SLC12A3: variants seen among roughly 807,000 people sequenced by gnomAD.
The protein encoded by SLC12A3 is Na-Cl cotransporter.
SLC12A3 carries 104 observed loss-of-function variants against 121.0 expected under a neutral mutation model. The ratio of observed to expected loss-of-function variants is 0.86; its 90% CI spans 0.73 to 1.01. SLC12A3 has a LOEUF of 1.01. SLC12A3 is among the 50% of genes least tolerant of loss of function. SLC12A3 has a pLI of 0.00. For missense variants in SLC12A3, 1,328 were observed against 1,356.3 expected (o/e 0.98, Z 0.33); for synonymous variants, 536 against 533.4 (o/e 1.00, Z -0.07).
intron 8 of SLC12A3, among the ~76,000 whole-genome samples, chr16:56,876,999 C>CA (rs1357740085): frequency 6.6e-6 from 1 of 152,236 alleles, no homozygotes; most frequent in Non-Finnish European, 1.5e-5. Flanking sequence ...ACCAGCTGAG[C>CA]AGGGGTGCCC....
At chr16:56,890,408 T>C in intron 19 of SLC12A3, 52 bp downstream of exon 19, 1 of 1,489,650 alleles carries the variant, frequency 6.7e-7, no homozygotes. Context: ...CATTTTTTGT[T>C]TTTAAATGGC....
intron 25 of SLC12A3, 71 bp downstream of exon 25, chr16:56,904,533 C>T: frequency 6.9e-7 from 1 of 1,441,846 alleles, no homozygotes; most frequent in South Asian, 1.1e-5. Flanking sequence ...GGAAGGGGCT[C>T]AGCAGGGGCA....
In SLC12A3 at chr16:56,904,440, C is replaced by A. The variant is rs765609579; in HGVS notation, c.2902C>A (p.Arg968=). 28 of 1,613,762 alleles carry A rather than the reference C, an allele frequency of 1.7e-5. No individual in the cohort carries two copies. Among genetic ancestry groups the A allele is most frequent in the Admixed American group, 1.7e-4 (10 of 59,990 alleles). ...RLNEIVLDYS[R]DAALIVITLP... ...GAATGAGATTGTGCTGGATTACTCC[C>A]GAGACGCTGCTCTCATCGTCATGTA... is the stretch of plus-strand genomic sequence containing the variant. Residue 968 remains arginine (R), a synonymous_variant, in exon 25 of 26, where the codon CGA becomes AGA. Coordinates refer to ENST00000563236, the MANE Select transcript of SLC12A3 (RefSeq NM_001126108.2).
intron 21 of SLC12A3, among the ~76,000 whole-genome samples, chr16:56,893,971 TTTTATTTA>T (rs56844793): frequency 0.089 from 10,334 of 116,482 alleles, 484 homozygotes; most frequent in Middle Eastern, 0.13. Context: ...TTTATTTTTA[TTTTATTTA>T]TTTATTTATT....
chr16:56,886,342 C>T (rs199935492), intron 15 of SLC12A3, 22 bp from the exon 16 acceptor site: 12 of 1,580,522 alleles, frequency 7.6e-6, no homozygotes, highest in Non-Finnish European at 9.6e-6. Context: ...ATGGCTCCTG[C>T]CCTTTTCCCT....
At chr16:56,901,706 G>A (rs16963497) in intron 23 of SLC12A3, among the ~76,000 whole-genome samples, 51,051 of 151,936 alleles carry the variant, frequency 0.34, 8,995 homozygotes, top group African/African-American at 0.46. Context: ...GCAGCTTCTG[G>A]TCTCACTTGG....
chr16:56,885,141 C>T (rs2055292810), intron 14 of SLC12A3, 124 bp from the exon 15 acceptor site: 1 of 720,784 alleles, frequency 1.4e-6, no homozygotes, highest in South Asian at 1.5e-5. Flanking sequence ...TCCCAGGTGG[C>T]CCTGCTCCCA....
In SLC12A3 at chr16:56,887,110, G is replaced by T. The variant is rs767532417; in HGVS notation, c.2178+17G>T. ...CTCATGCAGGTGCCATGGACTGGGG[G>T]CTCCCCTACAGGACTTACGGCTTGG... On this transcript the variant is annotated intron_variant, in intron 17 of 25. Coordinates refer to ENST00000563236, the MANE Select transcript of SLC12A3 (RefSeq NM_001126108.2). 5.0e-6 allele frequency: 8 copies of T among 1,613,670 alleles called. No homozygotes were observed. The Admixed American group carries it at 1.2e-4, about 24-fold the overall frequency.
At chr16:56,891,721 T>G (rs1486231864) in intron 19 of SLC12A3, among the ~76,000 whole-genome samples, 7 of 152,208 alleles carry the variant, frequency 4.6e-5, no homozygotes, top group African/African-American at 1.7e-4. Flanking sequence ...TGAGAGTGTC[T>G]GGAGAAAACG....
chr16:56,879,672 A>G (rs1456822690), intron 11 of SLC12A3, 23 bp downstream of exon 11: 1 of 1,571,700 alleles, frequency 6.4e-7, no homozygotes, highest in Non-Finnish European at 8.7e-7. Flanking sequence ...AAAGGGGTCG[A>G]GATGACAGGG....
intron 9 of SLC12A3, 115 bp from the exon 10 acceptor site, chr16:56,878,958 T>C (rs1780690069): frequency 7.9e-7 from 1 of 1,268,060 alleles, no homozygotes; most frequent in African/African-American, 1.5e-5. Flanking sequence ...CATTGCATAA[T>C]GAAGGGACAG....
At chr16:56,877,126 T>C (rs8055054) in intron 8 of SLC12A3, among the ~76,000 whole-genome samples, 42,152 of 152,154 alleles carry the variant, frequency 0.28, 6,223 homozygotes, top group East Asian at 0.44. Flanking sequence ...GCGCGGGGGC[T>C]CACGCCTGTA....
chr16:56,869,003 G>T (rs760762513), intron 3 of SLC12A3, among the ~76,000 whole-genome samples: 3 of 151,914 alleles, frequency 2.0e-5, no homozygotes, highest in Admixed American at 1.3e-4. Context: ...AAAGAAAGCT[G>T]CATTCTGGAC....
At chr16:56,871,655 C>T (rs1488014630) in intron 6 of SLC12A3, among the ~76,000 whole-genome samples, 1 of 152,218 alleles carries the variant, frequency 6.6e-6, no homozygotes, top group African/African-American at 2.4e-5. Flanking sequence ...CTGGTGACAC[C>T]TTCCCAGGTC....
intron 19 of SLC12A3, among the ~76,000 whole-genome samples, chr16:56,891,760 C>G (rs1379465581): frequency 6.6e-6 from 1 of 152,202 alleles, no homozygotes; most frequent in Non-Finnish European, 1.5e-5. Flanking sequence ...CAGGGAAGGC[C>G]TCCCTCAGGA....
rs2055736194 is a variant in SLC12A3 at position 56,915,120 on chromosome 16, G to T, written c.*1715G>T. On this transcript the variant is annotated 3_prime_UTR_variant, in exon 26 of 26. Coordinates refer to ENST00000563236, the MANE Select transcript of SLC12A3 (RefSeq NM_001126108.2). ...AGAGCACTGCCATCGAATGCCAGTG[G>T]GTGAGGCCAAGTGAGGGTATTTGCA... The T allele has an allele frequency of 3.3e-5, 5 of 152,286 alleles. No homozygotes were observed. Among genetic ancestry groups the T allele is most frequent in the Admixed American group, 3.3e-4 (5 of 15,280 alleles). The allele number at this position is 152,286 out of a possible 1,614,324, so 9.4% of individuals were successfully genotyped here.
intron 8 of SLC12A3, among the ~76,000 whole-genome samples, chr16:56,876,705 T>C (rs1463723980): frequency 6.6e-6 from 1 of 152,180 alleles, no homozygotes; most frequent in African/African-American, 2.4e-5. Flanking sequence ...CCCAACACAC[T>C]TGACTTGCTC....
intron 22 of SLC12A3, among the ~76,000 whole-genome samples, chr16:56,896,444 T>C (rs1263389320): frequency 6.6e-6 from 1 of 152,234 alleles, no homozygotes; most frequent in African/African-American, 2.4e-5. Flanking sequence ...GCTGGTTTTC[T>C]GTTTAAAATT....
At position 56,865,573 on chromosome 16, in the gene SLC12A3, TACCTAACCTC is replaced by T. The variant is rs1376160108; in HGVS notation, c.282+57_282+66del. On this transcript the variant is annotated intron_variant, in intron 1 of 25. Coordinates refer to ENST00000563236, the MANE Select transcript of SLC12A3 (RefSeq NM_001126108.2). Reference sequence around the variant, plus strand: ...CCCTGCTGTGTGACCTCGACCCAGCTACCTAACCTCTCTGAGCCTCAGTTCTGTCATCTGT... The same window carrying T: ...CCCTGCTGTGTGACCTCGACCCAGCTTCTGAGCCTCAGTTCTGTCATCTGT... 6 of 1,568,398 alleles carry T rather than the reference TACCTAACCTC, an allele frequency of 3.8e-6. No individual in the cohort carries two copies. In the African/African-American group the frequency reaches 5.4e-5, roughly 14 times the overall value.
Sources: allele counts gnomAD v4.1 joint callset (sites outside exome capture counted in the v4.1 genomes callset), GRCh38; gene constraint gnomAD v4.1.1; transcripts MANE v1.5; gene names NCBI Gene and HGNC (gene_info 2026-07-23, HGNC 2026-07-21).